Variants in DNAJC24 observed in about 807,000 individuals in gnomAD.
The protein encoded by DNAJC24 is DnaJ heat shock protein family (Hsp40) member C24.
DNAJC24 carries 17 observed loss-of-function variants against 18.0 expected under a neutral mutation model. The observed-to-expected ratio is 0.94, with a 90% CI of 0.65 to 1.42. The LOEUF is 1.42. Ranked by LOEUF, DNAJC24 falls within the 40% of genes most tolerant of loss-of-function variation. The pLI is 0.00. For missense variants in DNAJC24, 158 were observed against 175.6 expected (o/e 0.90, Z 0.57); for synonymous variants, 55 against 57.7 (o/e 0.95, Z 0.21).
intron 2 of DNAJC24, among the ~76,000 whole-genome samples, chr11:31,411,194 A>C (rs1425346160): frequency 2.0e-5 from 3 of 152,204 alleles, no homozygotes; most frequent in African/African-American, 2.4e-5. Context: ...TTGAGATCGG[A>C]AAGTCTTTAA....
At chr11:31,380,874 C>G (rs934831969) in intron 2 of DNAJC24, among the ~76,000 whole-genome samples, 2 of 152,054 alleles carry the variant, frequency 1.3e-5, no homozygotes, top group Non-Finnish European at 2.9e-5. Context: ...ATTTTAGGCT[C>G]TAAAAACATC....
At chr11:31,388,695 G>A (rs682539) in intron 2 of DNAJC24, among the ~76,000 whole-genome samples, 63,620 of 151,992 alleles carry the variant, frequency 0.42, 14,270 homozygotes, top group African/African-American at 0.57. Context: ...CACCGTTAAC[G>A]ATAAGTACAC....
intron 2 of DNAJC24, among the ~76,000 whole-genome samples, chr11:31,403,286 AAGTG>A (rs1212210077): frequency 6.6e-6 from 1 of 152,134 alleles, no homozygotes. Flanking sequence ...TAGTGAGAGA[AAGTG>A]AGACACTTTT....
At chr11:31,371,073 G>C (rs1241464843) in intron 2 of DNAJC24, among the ~76,000 whole-genome samples, 1 of 152,170 alleles carries the variant, frequency 6.6e-6, no homozygotes, top group South Asian at 2.1e-4. Flanking sequence ...GGCTGCTTGA[G>C]TTAGAATCTT....
At chr11:31,399,974 A>G (rs60870957) in intron 2 of DNAJC24, among the ~76,000 whole-genome samples, 117 of 151,690 alleles carry the variant, frequency 7.7e-4, no homozygotes, top group African/African-American at 2.8e-3. Flanking sequence ...ATGTGTTCTC[A>G]TTGTTCAGCT....
In DNAJC24 at chr11:31,430,437, T is replaced by C; in HGVS notation, c.*36T>C. On this transcript the variant is annotated 3_prime_UTR_variant, in exon 5 of 5. Coordinates refer to ENST00000465995, the MANE Select transcript of DNAJC24 (RefSeq NM_181706.5). ...AACTTGAAATGCTTTAACTGTGGTATTGAGACATGATGAGAAGCCGTTGAG... is the reference window on the plus strand; with the variant it reads ...AACTTGAAATGCTTTAACTGTGGTACTGAGACATGATGAGAAGCCGTTGAG... 2 of 1,568,084 alleles carry C rather than the reference T, an allele frequency of 1.3e-6. No individual in the cohort carries two copies. Among genetic ancestry groups the C allele is most frequent in the Non-Finnish European group, 1.7e-6 (2 of 1,151,626 alleles).
chr11:31,428,867 A>T lies in DNAJC24; in HGVS notation c.320-1404A>T, dbSNP rs568066755. On this transcript the variant is annotated intron_variant, in intron 4 of 4. Transcript: ENST00000465995. ...ATGTGAATTTTTAGTGAGCATTAAC[A>T]TTTGGAGTCATCTATGACAAAACTC... 7.9e-5 allele frequency among the ~76,000 whole-genome samples: 12 copies of T among 152,278 alleles called. No homozygotes were observed. In the East Asian group the frequency reaches 1.5e-3, roughly 20 times the overall value.
chr11:31,428,328 AATT>A (rs1363711861), intron 4 of DNAJC24, among the ~76,000 whole-genome samples: 15 of 152,200 alleles, frequency 9.9e-5, no homozygotes, highest in African/African-American at 3.6e-4. Context: ...AGATGGAAAT[AATT>A]CTTATCTTAA....
rs76559766 is a variant in DNAJC24, at chr11:31,405,996, A to G, written c.112-8815A>G. ...ATGAGGGCAGAGCAGTCATGGCCCA[A>G]TCACTGCTGAAAGGTACTACCTCCT... On this transcript the variant is annotated intron_variant, in intron 2 of 4. Coordinates refer to ENST00000465995, the MANE Select transcript of DNAJC24 (RefSeq NM_181706.5). Among the ~76,000 whole-genome samples, 563 of 152,302 alleles carry G rather than the reference A, an allele frequency of 3.7e-3. 30 individuals are homozygous for G. The East Asian group carries it at 0.098, about 26-fold the overall frequency.
chr11:31,423,671 G>GT (rs1952832443), intron 3 of DNAJC24, among the ~76,000 whole-genome samples: 1 of 152,122 alleles, frequency 6.6e-6, no homozygotes. Flanking sequence ...CATACAGTGT[G>GT]TTATATTTTT....
intron 2 of DNAJC24, among the ~76,000 whole-genome samples, chr11:31,376,280 G>A (rs1952314761): frequency 6.6e-6 from 1 of 152,102 alleles, no homozygotes; most frequent in Non-Finnish European, 1.5e-5. Context: ...GCTCAGTCCC[G>A]GGTATATCTT....
At chr11:31,382,724 C>T (rs1003537837) in intron 2 of DNAJC24, among the ~76,000 whole-genome samples, 3 of 152,136 alleles carry the variant, frequency 2.0e-5, no homozygotes, top group Non-Finnish European at 4.4e-5. Flanking sequence ...GTTTTCTCCC[C>T]ACATGCCAAG....
intron 2 of DNAJC24, among the ~76,000 whole-genome samples, chr11:31,371,385 T>C (rs1292051204): frequency 4.6e-5 from 7 of 152,238 alleles, no homozygotes; most frequent in Non-Finnish European, 1.0e-4. Flanking sequence ...TTTCCTCTAC[T>C]GTGTCCATCT....
At position 31,378,356 on chromosome 11, in the gene DNAJC24, A is replaced by C. The variant is rs185327444; in HGVS notation, c.111+7497A>C. Among the ~76,000 whole-genome samples the C allele has an allele frequency of 8.1e-5, 12 of 147,640 alleles. 1 individual carries two copies. In the East Asian group the frequency reaches 2.3e-3, roughly 29 times the overall value. ...ATACGTAACAATAAATAGTTATGTC[A>C]TAGGGAGACTCTATCATAAACAATT... On this transcript the variant is annotated intron_variant, in intron 2 of 4. Transcript: ENST00000465995.
At chr11:31,428,395 C>T (rs1156312713) in intron 4 of DNAJC24, among the ~76,000 whole-genome samples, 1 of 152,082 alleles carries the variant, frequency 6.6e-6, no homozygotes, top group Non-Finnish European at 1.5e-5. Context: ...TGTAGAAATA[C>T]TTAAAAACGA....
At chr11:31,411,986 T>A (rs943389935) in intron 2 of DNAJC24, among the ~76,000 whole-genome samples, 2 of 152,186 alleles carry the variant, frequency 1.3e-5, no homozygotes, top group Non-Finnish European at 2.9e-5. Context: ...TGTCATTTTT[T>A]AATGGAATGT....
chr11:31,426,565 T>C (rs1952863820), intron 4 of DNAJC24: 1 of 407,812 alleles, frequency 2.5e-6, no homozygotes, highest in African/African-American at 2.1e-5. Flanking sequence ...CATTTCCAGT[T>C]ATTTTTATAT....
intron 4 of DNAJC24, chr11:31,427,618 A>T (rs1421271521): frequency 6.6e-6 from 1 of 152,116 alleles, no homozygotes; most frequent in Non-Finnish European, 1.5e-5. Context: ...CTTCAAGGAG[A>T]CTAAATATGT....
intron 4 of DNAJC24, chr11:31,426,958 T>C (rs1952868666): frequency 1.3e-5 from 2 of 152,210 alleles, no homozygotes; most frequent in Admixed American, 1.3e-4. Flanking sequence ...GTCGTTTCCC[T>C]ATTCTTCTGA....
Sources: gnomAD v4.1 joint callset for allele counts (sites outside exome capture counted in the v4.1 genomes callset) on GRCh38, gnomAD v4.1.1 for gene constraint, MANE v1.5 for transcripts, NCBI Gene and HGNC (gene_info 2026-07-23, HGNC 2026-07-21) for gene names.